The following GALNT13 variants were observed in gnomAD, a reference collection of about 807,000 sequenced individuals.
GALNT13 encodes UDP-GalNAc:polypeptide N-acetylgalactosaminyltransferase 13.
In GALNT13, 28 loss-of-function variants were observed where a neutral mutation model predicts 64.2. The observed-to-expected ratio is 0.44, with a 90% CI of 0.32 to 0.60. GALNT13 has a LOEUF of 0.60. GALNT13 is among the 20% of genes least tolerant of loss of function. The pLI is 0.05. For synonymous variants in GALNT13, 214 were observed against 224.6 expected, an observed-to-expected ratio of 0.95 and a Z score of 0.42; for missense variants, 577 against 669.8, an observed-to-expected ratio of 0.86 and a Z score of 1.53.
At chr2:153,789,431 A>G in the GALNT13 span, among the ~76,000 whole-genome samples, 3 of 152,186 alleles carry the variant, frequency 2.0e-5, no homozygotes, top group Admixed American at 1.3e-4. Flanking sequence ...TCTCTGGGAT[A>G]TAGCTAAGGC....
At chr2:153,581,555 G>A in the GALNT13 span, among the ~76,000 whole-genome samples, 1 of 151,968 alleles carries the variant, frequency 6.6e-6, no homozygotes, top group Non-Finnish European at 1.5e-5. Flanking sequence ...GTATATATGT[G>A]TGCAAATTTG....
At chr2:153,827,665 C>T in the GALNT13 span, among the ~76,000 whole-genome samples, 2 of 151,716 alleles carry the variant, frequency 1.3e-5, no homozygotes, top group South Asian at 2.1e-4. Flanking sequence ...GGAACACAGC[C>T]GAAGTATATC....
rs559884222 is a variant in GALNT13 at position 154,021,598 on chromosome 2, T to G, written c.142+76959T>G. Reference sequence around the variant, plus strand: ...GTTGCTTATCAGCTTGAGGAGATTTTGGGCTGAGACATTGGGGTTTTCTAG... The same window carrying G: ...GTTGCTTATCAGCTTGAGGAGATTTGGGGCTGAGACATTGGGGTTTTCTAG... On this transcript the variant is annotated intron_variant, in intron 3 of 12. Coordinates refer to ENST00000392825, the MANE Select transcript of GALNT13 (RefSeq NM_052917.4). 2.6e-3 allele frequency among the ~76,000 whole-genome samples: 396 copies of G among 152,070 alleles called. 6 individuals are homozygous for G. Among genetic ancestry groups the G allele is most frequent in the African/African-American group, 9.1e-3 (376 of 41,452 alleles).
the GALNT13 span, among the ~76,000 whole-genome samples, chr2:153,252,389 A>G: frequency 7.5e-5 from 9 of 120,578 alleles, no homozygotes; most frequent in East Asian, 1.6e-3. Flanking sequence ...TCAGATGAGT[A>G]GGTTGTGAAA....
chr2:153,223,876 A>T, the GALNT13 span, among the ~76,000 whole-genome samples: 1 of 152,284 alleles, frequency 6.6e-6, no homozygotes, highest in African/African-American at 2.4e-5. Context: ...AGGCTGAGGC[A>T]GTAGAATCAC....
At chr2:153,630,939 T>A in the GALNT13 span, among the ~76,000 whole-genome samples, 2 of 150,652 alleles carry the variant, frequency 1.3e-5, no homozygotes, top group African/African-American at 2.4e-5. Flanking sequence ...TAGGTATATC[T>A]CCTAGTGCTA....
chr2:154,254,087 T>C (rs564631682), intron 7 of GALNT13, among the ~76,000 whole-genome samples: 19 of 152,182 alleles, frequency 1.2e-4, no homozygotes, highest in Non-Finnish European at 2.6e-4. Context: ...GCCTAGAGTG[T>C]ATAACATTTG....
chr2:153,310,038 A>C, the GALNT13 span, among the ~76,000 whole-genome samples: 1 of 152,178 alleles, frequency 6.6e-6, no homozygotes, highest in African/African-American at 2.4e-5. Context: ...TTTTGCAGCA[A>C]ATCTAATACG....
chr2:154,449,743 A>T (rs548288171), intron 12 of GALNT13, among the ~76,000 whole-genome samples: 10 of 152,026 alleles, frequency 6.6e-5, no homozygotes, highest in Non-Finnish European at 1.2e-4. Flanking sequence ...ACATACAATT[A>T]TTGGAATTTA....
the GALNT13 span, among the ~76,000 whole-genome samples, chr2:153,643,110 A>G: frequency 3.3e-5 from 5 of 151,330 alleles, no homozygotes; most frequent in African/African-American, 4.8e-5. Flanking sequence ...CAAAAGTTTG[A>G]AAAATATAAG....
intron 2 of GALNT13, among the ~76,000 whole-genome samples, chr2:153,914,895 A>G (rs767520568): frequency 4.6e-5 from 7 of 152,074 alleles, no homozygotes; most frequent in Non-Finnish European, 8.8e-5. Flanking sequence ...ATACTAATAT[A>G]CTACTCCTGG....
At chr2:154,060,459 G>A (rs1327660901) in intron 3 of GALNT13, among the ~76,000 whole-genome samples, 6 of 152,014 alleles carry the variant, frequency 3.9e-5, no homozygotes, top group African/African-American at 1.4e-4. Flanking sequence ...AGATTCAAAC[G>A]ATTCTCCTGC....
the GALNT13 span, among the ~76,000 whole-genome samples, chr2:153,686,131 T>G: frequency 0.016 from 2,497 of 152,128 alleles, 57 homozygotes; most frequent in African/African-American, 0.056. Context: ...TTCGGGCTCT[T>G]TTTTTGGTTC....
At chr2:154,161,792 T>G (rs1966465) in intron 4 of GALNT13, among the ~76,000 whole-genome samples, 27,825 of 151,952 alleles carry the variant, frequency 0.18, 3,375 homozygotes, top group Non-Finnish European at 0.26. Flanking sequence ...TATTTTTTTT[T>G]TTTGTTTTCA....
At chr2:153,631,859 GT>G in the GALNT13 span, among the ~76,000 whole-genome samples, 1 of 152,152 alleles carries the variant, frequency 6.6e-6, no homozygotes, top group Admixed American at 6.5e-5. Flanking sequence ...TGCTTTTGGT[GT>G]TTTAAATATG....
the GALNT13 span, among the ~76,000 whole-genome samples, chr2:153,380,762 C>T: frequency 2.0e-5 from 3 of 151,912 alleles, no homozygotes; most frequent in African/African-American, 7.3e-5. Flanking sequence ...GAAGAATGTG[C>T]AATATAAAAA....
At chr2:153,867,931 T>C (rs1278578422), upstream of GALNT13, among the ~76,000 whole-genome samples, 1 of 152,136 alleles carries the variant, frequency 6.6e-6, no homozygotes, top group Non-Finnish European at 1.5e-5. Context: ...GGCTCACCCA[T>C]CCCTCATATC....
intron 3 of GALNT13, among the ~76,000 whole-genome samples, chr2:153,968,621 A>AAT (rs1693538073): frequency 6.6e-6 from 1 of 152,214 alleles, no homozygotes; most frequent in South Asian, 2.1e-4. Flanking sequence ...TGTGGGCAAC[A>AAT]ATCTCTAGAG....
At position 154,067,345 on chromosome 2, in the gene GALNT13, C is replaced by A. The variant is rs149495065; in HGVS notation, c.143-72992C>A. On this transcript the variant is annotated intron_variant, in intron 3 of 12. Coordinates refer to ENST00000392825, the MANE Select transcript of GALNT13 (RefSeq NM_052917.4). The stretch of plus-strand genomic sequence containing the variant: ...TCTCCAATCAAAAGGCATAGAGTGG[C>A]TGAATGGATTTTAAAAAATGACCCA... Among the ~76,000 whole-genome samples, 311 of 152,056 alleles carry A rather than the reference C, an allele frequency of 2.0e-3. 2 individuals are homozygous for A. The highest frequency in any genetic ancestry group is 7.3e-3 in the African/African-American group (305 of 41,520).
Sources: allele counts gnomAD v4.1 joint callset (sites outside exome capture counted in the v4.1 genomes callset), GRCh38; gene constraint gnomAD v4.1.1; transcripts MANE v1.5; gene names NCBI Gene and HGNC (gene_info 2026-07-23, HGNC 2026-07-21).